Variants in WDR43 observed in about 807,000 individuals in gnomAD.
WDR43 encodes the protein WD repeat-containing protein 43.
In WDR43, 13 loss-of-function variants were observed where a neutral mutation model predicts 91.4. The ratio of observed to expected loss-of-function variants is 0.14; its 90% CI spans 0.09 to 0.23. The LOEUF is 0.23. WDR43 is among the 10% of genes least tolerant of loss of function. The pLI is 1.00. For missense variants in WDR43, 780 were observed against 809.4 expected (o/e 0.96, Z 0.44); for synonymous variants, 331 against 287.9 (o/e 1.15, Z -1.51).
intron 10 of WDR43, among the ~76,000 whole-genome samples, chr2:28,929,156 T>C (rs1671196850): frequency 6.6e-6 from 1 of 152,232 alleles, no homozygotes; most frequent in African/African-American, 2.4e-5. Context: ...ATAACATTTC[T>C]TTATGCCCTT....
At chr2:28,940,869 G>T (rs998554954) in intron 14 of WDR43, among the ~76,000 whole-genome samples, 4 of 152,202 alleles carry the variant, frequency 2.6e-5, no homozygotes. Flanking sequence ...CAATACAAAA[G>T]ACTCTGATGA....
intron 4 of WDR43, among the ~76,000 whole-genome samples, chr2:28,913,208 C>A (rs1434110745): frequency 6.6e-6 from 1 of 152,150 alleles, no homozygotes; most frequent in Non-Finnish European, 1.5e-5. Context: ...CCTGCCTCGG[C>A]CTCCCAAAGT....
At chr2:28,914,284 A>G in intron 5 of WDR43, 76 bp downstream of exon 5, 1 of 1,446,620 alleles carries the variant, frequency 6.9e-7, no homozygotes, top group Non-Finnish European at 9.2e-7. Context: ...GTAAATTATG[A>G]ATATGGGACT....
intron 6 of WDR43, among the ~76,000 whole-genome samples, chr2:28,918,820 A>G (rs569344455): frequency 2.0e-5 from 3 of 152,342 alleles, no homozygotes; most frequent in Admixed American, 1.3e-4. Context: ...GAAGCTTTGC[A>G]GGATTTTGAT....
At chr2:28,916,906 T>TA (rs142099971) in intron 5 of WDR43, among the ~76,000 whole-genome samples, 2,427 of 152,302 alleles carry the variant, frequency 0.016, 60 homozygotes, top group African/African-American at 0.055. Context: ...AGATATCTTA[T>TA]TTAATGCATA....
intron 8 of WDR43, 70 bp downstream of exon 8, chr2:28,925,223 A>G: frequency 7.5e-7 from 1 of 1,337,742 alleles, no homozygotes; most frequent in Non-Finnish European, 9.9e-7. Context: ...TGATTTTAAA[A>G]ATAACAACAT....
chr2:28,945,571 C>CT lies in WDR43; in HGVS notation c.1805-878dup, dbSNP rs549836011. Among the ~76,000 whole-genome samples, 201 of 152,310 alleles carry CT rather than the reference C, an allele frequency of 1.3e-3. 1 individual carries two copies. Among genetic ancestry groups the CT allele is most frequent in the Non-Finnish European group, 2.4e-3 (160 of 68,022 alleles). Reference sequence around the variant, plus strand: ...GTTTCTTTTAATTTGCTCCTCTAAGCTACAGTTCCTTTAAACTGGATGTGA... The same window carrying CT: ...GTTTCTTTTAATTTGCTCCTCTAAGCTTACAGTTCCTTTAAACTGGATGTGA... On this transcript the variant is annotated intron_variant, in intron 16 of 17. Coordinates refer to ENST00000407426, the MANE Select transcript of WDR43 (RefSeq NM_015131.3).
intron 10 of WDR43, 133 bp from the exon 11 acceptor site, chr2:28,929,446 A>G (rs1182422700): frequency 1.3e-6 from 1 of 775,498 alleles, no homozygotes; most frequent in Non-Finnish European, 1.8e-6. Flanking sequence ...CTCTTGGAAT[A>G]AGAATGAGCA....
chr2:28,906,125 A>G lies in WDR43; in HGVS notation c.364-335A>G, dbSNP rs534374025. Among the ~76,000 whole-genome samples the G allele has an allele frequency of 1.2e-4, 19 of 152,046 alleles. No individual in the cohort carries two copies. The South Asian group carries it at 1.5e-3, about 12-fold the overall frequency. The stretch of plus-strand genomic sequence containing the variant: ...TTATTTTCTTCTTAAATTTTTTTTT[A>G]TACACCATAAATATATTCATTTTCA... On this transcript the variant is annotated intron_variant, in intron 2 of 17. Transcript: ENST00000407426.
At position 28,939,043 on chromosome 2, in the gene WDR43, A is replaced by G. The variant is rs149455502; in HGVS notation, c.1620+1049A>G. ...GGGTTTTGGGAGGTGACCTGGGAGC[A>G]CTGGTGAGAGGGGTTTTTGGGAGGT... On this transcript the variant is annotated intron_variant, in intron 14 of 17. Coordinates refer to ENST00000407426, the MANE Select transcript of WDR43 (RefSeq NM_015131.3). 2.6e-3 allele frequency among the ~76,000 whole-genome samples: 219 copies of G among 85,002 alleles called. 7 individuals are homozygous for G. Among genetic ancestry groups the G allele is most frequent in the African/African-American group, 9.2e-3 (206 of 22,450 alleles). 55.8% of individuals were successfully genotyped at this position (85,002 alleles called of 152,430 possible).
At chr2:28,942,245 G>T (rs1671452009) in intron 15 of WDR43, 67 bp from the exon 16 acceptor site, 1 of 1,505,984 alleles carries the variant, frequency 6.6e-7, no homozygotes, top group Non-Finnish European at 9.1e-7. Flanking sequence ...GGTTGGGTAT[G>T]CTGGTGGTCG....
At chr2:28,906,662 G>T (rs1670688037) in intron 3 of WDR43, 81 bp downstream of exon 3, 5 of 1,438,824 alleles carry the variant, frequency 3.5e-6, no homozygotes, top group Admixed American at 2.6e-5. Flanking sequence ...CATTAATAAG[G>T]TTATAGGTTC....
In WDR43 at chr2:28,925,075, A is replaced by T. The variant is rs1671102513; in HGVS notation, c.1008A>T (p.Leu336=). ...CAACACCAAAACCCATCCCTATTCTAGCTGCTGGTTTTTGCTCAGACAAAA... is the reference window on the plus strand; with the variant it reads ...CAACACCAAAACCCATCCCTATTCTTGCTGCTGGTTTTTGCTCAGACAAAA... ...KKSTPKPIPI[L]AAGFCSDKMS... The change falls in exon 8 of 18, where the codon CTA becomes CTT. Residue 336 remains leucine, a synonymous_variant. Coordinates refer to ENST00000407426, the MANE Select transcript of WDR43 (RefSeq NM_015131.3). The T allele has an allele frequency of 1.2e-6, 2 of 1,613,962 alleles. No individual in the cohort carries two copies. Among genetic ancestry groups the T allele is most frequent in the East Asian group, 4.5e-5 (2 of 44,888 alleles).
intron 12 of WDR43, 115 bp from the exon 13 acceptor site, chr2:28,936,807 A>C: frequency 1.0e-6 from 1 of 981,804 alleles, no homozygotes; most frequent in South Asian, 1.4e-5. Flanking sequence ...TATGCGGTTT[A>C]AAATAGACTA....
rs80321572 is a variant in WDR43, at chr2:28,907,449, A to C, written c.485+868A>C. On this transcript the variant is annotated intron_variant, in intron 3 of 17. Coordinates refer to ENST00000407426, the MANE Select transcript of WDR43 (RefSeq NM_015131.3). ...CATAGTGAGAACCACCTCTTTACAAAAAAAAAAAAAAAAAAAAAATTGGGT... is the reference window on the plus strand; with the variant it reads ...CATAGTGAGAACCACCTCTTTACAACAAAAAAAAAAAAAAAAAAATTGGGT... Among the ~76,000 whole-genome samples, 4 of 130,118 alleles carry C rather than the reference A, an allele frequency of 3.1e-5. 1 individual carries two copies. The highest frequency in any genetic ancestry group is 4.9e-5 in the Non-Finnish European group (3 of 61,838). 85.4% of individuals were successfully genotyped at this position (130,118 alleles called of 152,430 possible). A position where few individuals can be genotyped will look rare whatever the true frequency, so the allele number is the denominator to read the frequency against.
Position 28,912,676 on chromosome 2 carries a change from A to T in WDR43, c.572A>T (p.Lys191Ile), listed in dbSNP as rs766426896. The T allele has an allele frequency of 6.2e-7, 1 of 1,614,006 alleles. No homozygotes were observed. The highest frequency in any genetic ancestry group is 1.7e-5 in the Admixed American group (1 of 60,006). ...KMLLSAGRTI[K>I]LWVLETKEVY... is the part of the protein sequence containing the mutation. Reference sequence around the variant, plus strand: ...TTGCTTTCAGCTGGTCGAACAATCAAACTATGGGTTTTGGAGACCAAAGAA... The same window carrying T: ...TTGCTTTCAGCTGGTCGAACAATCATACTATGGGTTTTGGAGACCAAAGAA... Residue 191 changes from lysine (K) to isoleucine (I), a missense_variant, in exon 4 of 18, where the codon AAA becomes ATA. Lys to Ile is a moderately radical substitution (Grantham distance 102). Coordinates refer to ENST00000407426, the MANE Select transcript of WDR43 (RefSeq NM_015131.3).
chr2:28,911,398 A>G (rs982056698), intron 3 of WDR43, among the ~76,000 whole-genome samples: 1 of 150,828 alleles, frequency 6.6e-6, no homozygotes, highest in African/African-American at 2.4e-5. Context: ...GGTTCACGCC[A>G]TTCTCCTGCC....
chr2:28,896,131 G>C (rs1670476298), intron 1 of WDR43, among the ~76,000 whole-genome samples: 1 of 151,938 alleles, frequency 6.6e-6, no homozygotes, highest in African/African-American at 2.4e-5. Flanking sequence ...AAATTACAGC[G>C]CTCTGCTTAT....
chr2:28,911,433 A>G (rs2148183581), intron 3 of WDR43, among the ~76,000 whole-genome samples: 1 of 151,998 alleles, frequency 6.6e-6, no homozygotes, highest in Non-Finnish European at 1.5e-5. Flanking sequence ...AGCTGGGACT[A>G]TAGGCGTCCT....
Sources: gnomAD v4.1 joint callset for allele counts (sites outside exome capture counted in the v4.1 genomes callset) on GRCh38, gnomAD v4.1.1 for gene constraint, MANE v1.5 for transcripts, NCBI Gene and HGNC (gene_info 2026-07-23, HGNC 2026-07-21) for gene names.